Variants in NRG3 observed in about 807,000 individuals in gnomAD.
NRG3 encodes the protein neuregulin 3.
Under a neutral mutation model 66.9 loss-of-function variants are expected in NRG3, and 31 were observed. The ratio of observed to expected loss-of-function variants is 0.46; its 90% CI spans 0.35 to 0.63. NRG3 has a LOEUF of 0.63. NRG3 is among the 20% of genes least tolerant of loss of function. The probability of loss-of-function intolerance (pLI) is 0.00; values close to 1 mark genes in which losing one functional copy is unlikely to be tolerated. For synonymous variants in NRG3, 393 were observed against 359.4 expected, an observed-to-expected ratio of 1.09 and a Z score of -1.06; for missense variants, 910 against 878.9, an observed-to-expected ratio of 1.04 and a Z score of -0.45.
chr10:81,989,193 G>A (rs117289067), intron 1 of NRG3, among the ~76,000 whole-genome samples: 2,206 of 152,200 alleles, frequency 0.014, 23 homozygotes, highest in Non-Finnish European at 0.022. Flanking sequence ...CTTCGAGTAC[G>A]GAGAGTTTTT....
intron 2 of NRG3, among the ~76,000 whole-genome samples, chr10:82,501,861 G>A (rs116152734): frequency 0.017 from 2,659 of 152,026 alleles, 93 homozygotes; most frequent in African/African-American, 0.06. Context: ...ATTTATTTGC[G>A]CATTGTCTCT....
chr10:82,193,093 AT>A (rs753578197), intron 1 of NRG3, among the ~76,000 whole-genome samples: 1 of 152,078 alleles, frequency 6.6e-6, no homozygotes, highest in Non-Finnish European at 1.5e-5. Context: ...TATAAGTGCA[AT>A]GGGAAACCAA....
intron 1 of NRG3, among the ~76,000 whole-genome samples, chr10:82,243,603 A>G (rs1035317207): frequency 6.6e-5 from 10 of 152,202 alleles, no homozygotes; most frequent in African/African-American, 2.4e-4. Context: ...AATTAGAAGA[A>G]ATTGCAGCAA....
intron 4 of NRG3, among the ~76,000 whole-genome samples, chr10:82,875,394 A>T (rs1460587916): frequency 6.6e-6 from 1 of 152,052 alleles, no homozygotes; most frequent in Non-Finnish European, 1.5e-5. Context: ...GTCTTGCTCT[A>T]TCAAACAGGC....
At chr10:82,772,918 T>C (rs914906787) in intron 3 of NRG3, among the ~76,000 whole-genome samples, 1 of 151,960 alleles carries the variant, frequency 6.6e-6, no homozygotes, top group Non-Finnish European at 1.5e-5. Context: ...TTGCTCAGGA[T>C]GGTCTTGAAC....
At chr10:82,435,648 C>G (rs564454241) in intron 2 of NRG3, among the ~76,000 whole-genome samples, 7 of 151,944 alleles carry the variant, frequency 4.6e-5, no homozygotes, top group Admixed American at 3.9e-4. Flanking sequence ...TATGTTGTCT[C>G]TTTGTTCTCA....
At chr10:82,049,323 T>C (rs17099225) in intron 1 of NRG3, among the ~76,000 whole-genome samples, 38,099 of 152,008 alleles carry the variant, frequency 0.25, 4,906 homozygotes, top group Middle Eastern at 0.33. Flanking sequence ...CATTTTCACC[T>C]TGTGTGTTTT....
chr10:82,557,335 G>A (rs2132962471), intron 2 of NRG3, among the ~76,000 whole-genome samples: 1 of 152,222 alleles, frequency 6.6e-6, no homozygotes, highest in Admixed American at 6.5e-5. Flanking sequence ...CATTCTGACT[G>A]GTGTGAGATG....
At chr10:82,502,559 G>A (rs192523057) in intron 2 of NRG3, among the ~76,000 whole-genome samples, 4 of 152,118 alleles carry the variant, frequency 2.6e-5, no homozygotes, top group Admixed American at 1.3e-4. Flanking sequence ...CTAAGAAAAG[G>A]TGATTATATT....
At chr10:82,105,454 C>T (rs2067001976) in intron 1 of NRG3, among the ~76,000 whole-genome samples, 1 of 152,084 alleles carries the variant, frequency 6.6e-6, no homozygotes, top group Non-Finnish European at 1.5e-5. Flanking sequence ...CTGTATCTTC[C>T]CATTCTTCTA....
intron 2 of NRG3, among the ~76,000 whole-genome samples, chr10:82,688,506 GTT>G (rs1484566659): frequency 2.0e-5 from 3 of 151,900 alleles, no homozygotes; most frequent in South Asian, 2.1e-4. Flanking sequence ...ATTTTTTTTG[GTT>G]AACAAATATT....
At chr10:82,278,728 T>A (rs1456782119) in intron 1 of NRG3, among the ~76,000 whole-genome samples, 1 of 152,166 alleles carries the variant, frequency 6.6e-6, no homozygotes, top group African/African-American at 2.4e-5. Context: ...TTGACAGTCC[T>A]ATATCCTTGA....
chr10:82,651,680 A>G (rs768691118), intron 2 of NRG3, among the ~76,000 whole-genome samples: 1 of 152,158 alleles, frequency 6.6e-6, no homozygotes, highest in Non-Finnish European at 1.5e-5. Context: ...ACCCCCATGG[A>G]CTTGTCAATG....
At chr10:82,479,139 A>G (rs1400830806) in intron 2 of NRG3, among the ~76,000 whole-genome samples, 2 of 152,312 alleles carry the variant, frequency 1.3e-5, no homozygotes, top group African/African-American at 4.8e-5. Context: ...AAAAAAATGT[A>G]AAAATCAATC....
intron 1 of NRG3, among the ~76,000 whole-genome samples, chr10:82,120,288 T>C (rs1173427353): frequency 1.3e-5 from 2 of 152,136 alleles, no homozygotes; most frequent in African/African-American, 4.8e-5. Flanking sequence ...GACTCAGCCT[T>C]GTAACGACAG....
rs189119084 is a variant in NRG3 at position 82,403,915 on chromosome 10, G to A, written c.953+45047G>A. Among the ~76,000 whole-genome samples the A allele has an allele frequency of 9.2e-5, 14 of 152,108 alleles. No homozygotes were observed. The East Asian group carries it at 2.3e-3, about 25-fold the overall frequency. ...ACCCTCAACCTCAACAAATTTTTTG[G>A]GGGGTTAAAAGTGAACTAATATATG... On this transcript the variant is annotated intron_variant, in intron 2 of 8. Transcript: ENST00000372141.
chr10:82,407,623 A>C (rs116979968), intron 2 of NRG3, among the ~76,000 whole-genome samples: 133 of 152,260 alleles, frequency 8.7e-4, no homozygotes, highest in Admixed American at 1.3e-3. Flanking sequence ...TCAACCCTAG[A>C]TGTGCGTGGG....
chr10:82,762,508 G>A (rs1447053412), intron 3 of NRG3, among the ~76,000 whole-genome samples: 2 of 152,118 alleles, frequency 1.3e-5, no homozygotes, highest in African/African-American at 2.4e-5. Flanking sequence ...AAATCTGACA[G>A]TGATAGCAAT....
chr10:82,048,629 T>A (rs200664490), intron 1 of NRG3, among the ~76,000 whole-genome samples: 21,651 of 150,798 alleles, frequency 0.14, 1,866 homozygotes, highest in East Asian at 0.27. Flanking sequence ...TAGCACTAAA[T>A]GCCCACAAGA....
Sources: allele counts gnomAD v4.1 joint callset (sites outside exome capture counted in the v4.1 genomes callset), GRCh38; gene constraint gnomAD v4.1.1; transcripts MANE v1.5; gene names NCBI Gene and HGNC (gene_info 2026-07-23, HGNC 2026-07-21).